The following MICAL3 variants were observed in gnomAD, a reference collection of about 807,000 sequenced individuals.
MICAL3 encodes [F-actin]-monooxygenase MICAL3.
In MICAL3, 62 loss-of-function variants were observed where a neutral mutation model predicts 207.4. The ratio of observed to expected loss-of-function variants is 0.30; its 90% CI spans 0.24 to 0.37. The LOEUF is 0.37. MICAL3 is among the 10% of genes least tolerant of loss of function. The probability of loss-of-function intolerance (pLI) is 1.00; values close to 1 mark genes in which losing one functional copy is unlikely to be tolerated. For synonymous variants in MICAL3, 1,077 were observed against 1,069.3 expected, an observed-to-expected ratio of 1.01 and a Z score of -0.14; for missense variants, 2,368 against 2,635.6, an observed-to-expected ratio of 0.90 and a Z score of 2.22.
chr22:17,836,424 C>T (rs1333974392), intron 20 of MICAL3, among the ~76,000 whole-genome samples: 7 of 152,202 alleles, frequency 4.6e-5, no homozygotes, highest in African/African-American at 1.4e-4. Context: ...GGGATTCCCA[C>T]CAGGGTCCAC....
At chr22:17,878,457 G>A (rs1929099398) in intron 16 of MICAL3, among the ~76,000 whole-genome samples, 1 of 150,728 alleles carries the variant, frequency 6.6e-6, no homozygotes, top group Non-Finnish European at 1.5e-5. Flanking sequence ...CACATTGCCC[G>A]CTGCTAGCCT....
At position 17,900,441 on chromosome 22, in the gene MICAL3, T is replaced by C. The variant is rs191943710; in HGVS notation, c.847+401A>G. On this transcript the variant is annotated intron_variant, in intron 6 of 31. Coordinates refer to ENST00000441493, the MANE Select transcript of MICAL3 (RefSeq NM_015241.3). This position sits in a 1 kb window ranked among gnomAD's most constrained non-coding sequence, Gnocchi z 4.0. ...CATGGCGAAACTCCGTCTCTACAAG[T>C]AATACGAAAAATTAGCCAGGCATGG... Among the ~76,000 whole-genome samples the C allele has an allele frequency of 4.6e-5, 7 of 152,036 alleles. No homozygotes were observed. Among genetic ancestry groups the C allele is most frequent in the Non-Finnish European group, 8.8e-5 (6 of 67,966 alleles).
chr22:17,800,271 T>C (rs868320075), intron 29 of MICAL3, among the ~76,000 whole-genome samples: 40 of 152,272 alleles, frequency 2.6e-4, no homozygotes, highest in African/African-American at 9.4e-4. Flanking sequence ...CTAGAAATTA[T>C]GTGTGTGTAT....
chr22:17,978,699 A>G (rs1461327885), intron 1 of MICAL3, among the ~76,000 whole-genome samples: 2 of 151,774 alleles, frequency 1.3e-5, no homozygotes, highest in African/African-American at 4.8e-5. Context: ...TTGTAGTTTT[A>G]GTAGAGACGG....
At chr22:18,019,805 GA>G (rs367962232) in intron 1 of MICAL3, 46 of 128,256 alleles carry the variant, frequency 3.6e-4, no homozygotes, top group Non-Finnish European at 5.3e-4. Flanking sequence ...GAATGCTGCT[GA>G]TTTTTTTTTT....
chr22:17,908,132 A>G (rs1046426251), intron 1 of MICAL3, among the ~76,000 whole-genome samples: 4 of 152,096 alleles, frequency 2.6e-5, no homozygotes, highest in African/African-American at 9.7e-5. Context: ...AAAGGACAAA[A>G]CTAGTGAGTA....
chr22:17,861,759 A>T, intron 19 of MICAL3: 1 of 985,430 alleles, frequency 1.0e-6, no homozygotes, highest in Non-Finnish European at 1.2e-6. Context: ...AAGAACAAAA[A>T]AGAGGATTTC....
intron 18 of MICAL3, 60 bp downstream of exon 18, chr22:17,865,864 A>G: frequency 6.9e-7 from 1 of 1,446,274 alleles, no homozygotes; most frequent in Non-Finnish European, 9.7e-7. Context: ...CCCCCGGCCC[A>G]TAGCCACACT....
intron 1 of MICAL3, among the ~76,000 whole-genome samples, chr22:17,940,772 A>C (rs375217629): frequency 2.0e-5 from 3 of 152,322 alleles, no homozygotes; most frequent in South Asian, 2.1e-4. Flanking sequence ...AACCTTTTCC[A>C]GATCTGTGGA....
chr22:17,961,400 C>T (rs948612018), intron 1 of MICAL3, among the ~76,000 whole-genome samples: 16 of 152,154 alleles, frequency 1.1e-4, no homozygotes, highest in Non-Finnish European at 2.2e-4. Context: ...ACTGGGGGAG[C>T]GTCAGCCCCG....
At position 17,902,558 on chromosome 22, in the gene MICAL3, T is replaced by C. The variant is rs907242169; in HGVS notation, c.589+73A>G. ...AAGCAGCCCTCAGGAGCCTTTGGTT[T>C]GCTCCCTCAATCTCATCTTCCTCAC... On this transcript the variant is annotated intron_variant, in intron 4 of 31. Coordinates refer to ENST00000441493, the MANE Select transcript of MICAL3 (RefSeq NM_015241.3). This position sits in a 1 kb window ranked among gnomAD's most constrained non-coding sequence, Gnocchi z 4.5. The C allele has an allele frequency of 2.5e-5, 23 of 914,232 alleles. No homozygotes were observed. Among genetic ancestry groups the C allele is most frequent in the Non-Finnish European group, 3.9e-5 (23 of 585,200 alleles). 56.6% of individuals were successfully genotyped at this position (914,232 alleles called of 1,614,324 possible). A position where few individuals can be genotyped will look rare whatever the true frequency, so the allele number is the denominator to read the frequency against.
At chr22:17,819,867 C>A (rs994661418) in intron 25 of MICAL3, among the ~76,000 whole-genome samples, 3 of 142,136 alleles carry the variant, frequency 2.1e-5, no homozygotes, top group Non-Finnish European at 4.5e-5. Flanking sequence ...GGCGTGAACC[C>A]GGGAGGTGGA....
rs138226625 is a variant in MICAL3 at position 17,811,869 on chromosome 22, C to T, written c.5446-1056G>A. On this transcript the variant is annotated intron_variant, in intron 27 of 31. Transcript: ENST00000441493. ...ACGTGATCCTCCCGCCTCAGCCTCC[C>T]GAGTAGTCAGGACTATAGGCGTGTG... Among the ~76,000 whole-genome samples, 285 of 152,272 alleles carry T rather than the reference C, an allele frequency of 1.9e-3. 1 individual carries two copies. The highest frequency in any genetic ancestry group is 6.6e-3 in the African/African-American group (275 of 41,554).
chr22:17,790,227 T>G lies in MICAL3; in HGVS notation c.*505A>C. The stretch of plus-strand genomic sequence containing the variant: ...CTCCATGTCTCCTGTGATGCTGGGG[T>G]GGGCATGACTGGACGCCCCCATCCT... On this transcript the variant is annotated 3_prime_UTR_variant, in exon 32 of 32. Transcript: ENST00000441493. 6.5e-6 allele frequency: 1 copy of G among 153,960 alleles called. No homozygotes were observed. The highest frequency in any genetic ancestry group is 1.4e-5 in the Non-Finnish European group (1 of 69,194). 9.5% of individuals were successfully genotyped at this position (153,960 alleles called of 1,614,324 possible). A position where few individuals can be genotyped will look rare whatever the true frequency, so the allele number is the denominator to read the frequency against.
At chr22:17,828,240 A>G (rs986175625) in intron 21 of MICAL3, among the ~76,000 whole-genome samples, 1 of 152,226 alleles carries the variant, frequency 6.6e-6, no homozygotes, top group African/African-American at 2.4e-5. Context: ...TCTGCTGGTC[A>G]CACAGCAAGG....
chr22:17,927,991 G>C (rs1229656898), intron 1 of MICAL3, among the ~76,000 whole-genome samples: 2 of 152,140 alleles, frequency 1.3e-5, no homozygotes, highest in Admixed American at 6.5e-5. Flanking sequence ...GTGAATTAAA[G>C]GTTTGGCTTC....
At chr22:17,833,743 G>A (rs184315117) in intron 20 of MICAL3, among the ~76,000 whole-genome samples, 2 of 152,318 alleles carry the variant, frequency 1.3e-5, no homozygotes, top group Admixed American at 1.3e-4. Flanking sequence ...CCCGGAGACT[G>A]AGATCAACCA....
chr22:17,880,168 C>G (rs564960028), intron 16 of MICAL3, among the ~76,000 whole-genome samples: 120 of 152,340 alleles, frequency 7.9e-4, no homozygotes, highest in Admixed American at 5.2e-3. Context: ...AGAGGGAGGC[C>G]AGAGCGTAGC....
intron 22 of MICAL3, 146 bp downstream of exon 22, chr22:17,827,498 C>G: frequency 1.3e-6 from 1 of 774,818 alleles, no homozygotes; most frequent in Non-Finnish European, 2.0e-6. Context: ...GGTGTCACAA[C>G]TGACAGCAGC....
Sources: gnomAD v4.1 joint callset for allele counts (sites outside exome capture counted in the v4.1 genomes callset) on GRCh38, gnomAD v4.1.1 for gene constraint, Gnocchi (gnomAD v3.1) non-coding constraint, MANE v1.5 for transcripts, NCBI Gene and HGNC (gene_info 2026-07-23, HGNC 2026-07-21) for gene names.